Variants in DDX54 observed in about 807,000 individuals in gnomAD.
The protein encoded by DDX54 is DEAD-box helicase 54, also known as ATP-dependent RNA helicase DDX54.
DDX54 carries 67 observed loss-of-function variants against 105.5 expected under a neutral mutation model. The ratio of observed to expected loss-of-function variants is 0.64; its 90% confidence interval spans 0.52 to 0.78. The LOEUF (loss-of-function observed/expected upper bound fraction) is 0.78. DDX54 is among the 30% of genes least tolerant of loss of function. The pLI, the probability that DDX54 is intolerant of heterozygous loss-of-function variation, is 0.00. For missense variants in DDX54, 1,206 were observed against 1,230.5 expected, an observed-to-expected ratio of 0.98 and a Z score of 0.30; for synonymous variants, 514 against 509.9, an observed-to-expected ratio of 1.01 and a Z score of -0.11.
intron 11 of DDX54, among the ~76,000 whole-genome samples, chr12:113,171,009 G>A (rs1050746304): frequency 6.6e-6 from 1 of 152,198 alleles, no homozygotes; most frequent in Non-Finnish European, 1.5e-5. Context: ...GGAAAACAAG[G>A]TGTTATGACA....
Position 113,162,134 on chromosome 12 carries a change from G to A in DDX54, c.2196-137C>T, listed in dbSNP as rs1469467767. 3.6e-5 allele frequency: 28 copies of A among 768,086 alleles called. No homozygotes were observed. In the East Asian group the frequency reaches 7.0e-4, roughly 19 times the overall value. 47.6% of individuals were successfully genotyped at this position (768,086 alleles called of 1,614,324 possible). A position where few individuals can be genotyped will look rare whatever the true frequency, so the allele number is the denominator to read the frequency against. ...AAAGGAAAGCAGTGCAGCCATGTCT[G>A]GCATGCAGTTGGCGCTCAATAAAGG... On this transcript the variant is annotated intron_variant, in intron 17 of 19. Coordinates refer to ENST00000306014, the MANE Select transcript of DDX54 (RefSeq NM_024072.4).
At chr12:113,184,135 A>G (rs1952497414) in intron 1 of DDX54, among the ~76,000 whole-genome samples, 1 of 152,110 alleles carries the variant, frequency 6.6e-6, no homozygotes, top group South Asian at 2.1e-4. Context: ...TAGTAGAGAC[A>G]GGGTTTCACC....
chr12:113,183,040 T>C (rs1952485050), intron 1 of DDX54, among the ~76,000 whole-genome samples: 1 of 149,660 alleles, frequency 6.7e-6, no homozygotes, highest in Non-Finnish European at 1.5e-5. Context: ...GTATTTTTTG[T>C]AGATGCAGTC....
chr12:113,179,849 G>C, intron 3 of DDX54, 86 bp downstream of exon 3: 1 of 1,466,884 alleles, frequency 6.8e-7, no homozygotes, highest in Admixed American at 1.7e-5. Context: ...GTGACAGGTG[G>C]GACAAGGGGT....
intron 2 of DDX54, among the ~76,000 whole-genome samples, chr12:113,180,374 C>T (rs1397124354): frequency 3.3e-5 from 5 of 152,070 alleles, no homozygotes; most frequent in African/African-American, 1.2e-4. Flanking sequence ...CAGAATCACC[C>T]GGGTGTGGGG....
chr12:113,179,143 C>G lies in DDX54; in HGVS notation c.564G>C (p.Glu188Asp), dbSNP rs748560716. Residue 188 changes from glutamate (E) to aspartate (D), a missense_variant and splice_region_variant, in exon 4 of 20, where the codon GAG becomes GAC. By Grantham distance (45) the Glu-to-Asp change is conservative (BLOSUM62 2). Coordinates refer to ENST00000306014, the MANE Select transcript of DDX54 (RefSeq NM_024072.4). ...LALQTLKFTK[E>D]LGKFTGLKTA... Reference sequence around the variant, plus strand: ...AGCCTCTAGCCAAGCTCAGACACACCTCCTTAGTGAACTTCAGGGTCTGCA... The same window carrying G: ...AGCCTCTAGCCAAGCTCAGACACACGTCCTTAGTGAACTTCAGGGTCTGCA... The G allele has an allele frequency of 6.2e-7, 1 of 1,614,016 alleles. No individual in the cohort carries two copies. Among genetic ancestry groups the G allele is most frequent in the South Asian group, 1.1e-5 (1 of 91,048 alleles).
chr12:113,183,914 G>A (rs934256394), intron 1 of DDX54: 5 of 152,246 alleles, frequency 3.3e-5, no homozygotes, highest in African/African-American at 9.7e-5. Context: ...GCCTCTCCAG[G>A]AGGTGGGACC....
In DDX54 at chr12:113,163,797, A is replaced by G. The variant is rs1019862497; in HGVS notation, c.1938+270T>C. Among the ~76,000 whole-genome samples, 8 of 152,230 alleles carry G rather than the reference A, an allele frequency of 5.3e-5. No individual in the cohort carries two copies. Among genetic ancestry groups the G allele is most frequent in the Admixed American group, 3.3e-4 (5 of 15,288 alleles). On this transcript the variant is annotated intron_variant, in intron 15 of 19. Transcript: ENST00000306014. The surrounding 1 kb of genome is among the most constrained non-coding windows in gnomAD (Gnocchi z 5.9). ...AGTGGAGACCTACACGTCTCACTGC[A>G]GAAGCCCTGATGTGTTTGGTGGCTG...
rs371214125 is a variant in DDX54 at position 113,179,253 on chromosome 12, G to C, written c.454C>G (p.Leu152Val). 78 of 1,614,148 alleles carry C rather than the reference G, an allele frequency of 4.8e-5. No homozygotes were observed. Among genetic ancestry groups the C allele is most frequent in the Non-Finnish European group, 6.4e-5 (76 of 1,180,020 alleles). Residue 152 changes from leucine (L) to valine (V), a missense_variant, in exon 4 of 20, where the codon CTC (leucine) becomes GTC (valine). Physicochemically the swap from Leu to Val is conservative, Grantham distance 32. Around this residue, in one of 3 missense-constraint regions of DDX54, gnomAD observed 961 missense variants for 1,019.1 expected, o/e 0.94. Coordinates refer to ENST00000306014, the MANE Select transcript of DDX54 (RefSeq NM_024072.4). The part of the protein sequence containing the change: ...TGSGKTACFL[L>V]PMFERLKTHS... ...GTCTTGAGCCGCTCGAACATTGGGA[G>C]GAGGAAGCAGGCTGTCTTGCCACTG... is the stretch of plus-strand genomic sequence containing the variant.
At chr12:113,177,269 T>C (rs1200543352) in intron 5 of DDX54, 176 bp from the exon 6 acceptor site, 15 of 651,042 alleles carry the variant, frequency 2.3e-5, no homozygotes, top group Non-Finnish European at 3.7e-5. Flanking sequence ...TGACAAGAGA[T>C]ACAAGCTGAA....
At chr12:113,160,712 C>T (rs1048607904) in intron 19 of DDX54, among the ~76,000 whole-genome samples, 9 of 152,230 alleles carry the variant, frequency 5.9e-5, no homozygotes, top group African/African-American at 2.2e-4. Flanking sequence ...ATCGCCTCCT[C>T]CCAGAACCAA....
chr12:113,178,028 G>C (rs1952425215), intron 5 of DDX54, among the ~76,000 whole-genome samples: 1 of 152,184 alleles, frequency 6.6e-6, no homozygotes, highest in South Asian at 2.1e-4. Context: ...TTGAGCCCAG[G>C]AGTTTGAGAC....
chr12:113,158,915 C>A lies in DDX54; in HGVS notation c.2608G>T (p.Ala870Ser). Residue 870 changes from alanine (A) to serine (S), a missense_variant, in exon 20 of 20, where the codon GCC (alanine) becomes TCC (serine). Physicochemically the swap from Ala to Ser is moderately conservative, Grantham distance 99. This residue lies in a region of DDX54 where 961 missense variants were observed against 1,019.1 expected (regional missense o/e 0.94). Transcript: ENST00000306014. This position sits in a 1 kb window ranked among gnomAD's most constrained non-coding sequence, Gnocchi z 4.9. ...ELQQGAFGRGARSKKGKMRKR... is the reference protein window; with the variant it reads ...ELQQGAFGRGSRSKKGKMRKR... ...CGCATCTTGCCCTTCTTGGAGCGGG[C>A]ACCCCGGCCGAAGGCGCCCTGCTGC... The A allele has an allele frequency of 1.2e-6, 2 of 1,608,070 alleles. No individual in the cohort carries two copies. The highest frequency in any genetic ancestry group is 1.1e-5 in the South Asian group (1 of 90,726).
chr12:113,179,162 G>A lies in DDX54; in HGVS notation c.545C>T (p.Thr182Ile), dbSNP rs763312863. 1.2e-5 allele frequency: 19 copies of A among 1,614,106 alleles called. No individual in the cohort carries two copies. In the East Asian group the frequency reaches 3.8e-4, roughly 32 times the overall value. Residue 182 changes from threonine to isoleucine, a missense_variant, in exon 4 of 20, where the codon ACC becomes ATC. By Grantham distance (89) the Thr-to-Ile change is moderately conservative. Around this residue, in one of 3 missense-constraint regions of DDX54, gnomAD observed 961 missense variants for 1,019.1 expected, o/e 0.94. Coordinates refer to ENST00000306014, the MANE Select transcript of DDX54 (RefSeq NM_024072.4). ...LSPTRELALQ[T>I]LKFTKELGKF... Reference sequence around the variant, plus strand: ...ACACACCTCCTTAGTGAACTTCAGGGTCTGCAGGGCCAGCTCTCGGGTCGG... The same window carrying A: ...ACACACCTCCTTAGTGAACTTCAGGATCTGCAGGGCCAGCTCTCGGGTCGG...
intron 10 of DDX54, among the ~76,000 whole-genome samples, chr12:113,174,116 T>C (rs1036172566): frequency 6.6e-6 from 1 of 151,068 alleles, no homozygotes; most frequent in Non-Finnish European, 1.5e-5. Flanking sequence ...GAGGTGGAGG[T>C]TGCAGTGAGC....
At chr12:113,164,028 C>A in intron 15 of DDX54, 39 bp downstream of exon 15, 1 of 1,519,488 alleles carries the variant, frequency 6.6e-7, no homozygotes, top group South Asian at 1.2e-5. Context: ...ACCCCTTCCC[C>A]ATACCCCAGG....
intron 7 of DDX54, among the ~76,000 whole-genome samples, chr12:113,175,721 G>A (rs973183590): frequency 6.6e-5 from 10 of 151,984 alleles, no homozygotes; most frequent in African/African-American, 1.9e-4. Context: ...CCCAGGAGGC[G>A]GAGCTTGCAG....
rs1952435308 is a variant in DDX54, at chr12:113,178,966, A to G, written c.614+11T>C. The G allele has an allele frequency of 6.2e-7, 1 of 1,613,802 alleles. No individual in the cohort carries two copies. Among genetic ancestry groups the G allele is most frequent in the African/African-American group, 1.3e-5 (1 of 74,906 alleles). ...TGGTGGTGACCCTGGCATGGGGTGC[A>G]GGGACCTTACCTGTCTCCACCCAGG... On this transcript the variant is annotated intron_variant, in intron 5 of 19. Transcript: ENST00000306014.
At chr12:113,177,291 A>C in intron 5 of DDX54, 198 bp from the exon 6 acceptor site, 2 of 598,090 alleles carry the variant, frequency 3.3e-6, no homozygotes, top group South Asian at 2.2e-5. Context: ...TATGCAAAAG[A>C]ATGGTAACAA....
Sources: gnomAD v4.1 joint callset for allele counts (sites outside exome capture counted in the v4.1 genomes callset) on GRCh38, gnomAD v4.1.1 for gene constraint, gnomAD v4.1.1 regional missense constraint, Gnocchi (gnomAD v3.1) non-coding constraint, MANE v1.5 for transcripts, NCBI Gene and HGNC (gene_info 2026-07-23, HGNC 2026-07-21) for gene names.